Variants in CGN observed in about 807,000 individuals in gnomAD.
The protein encoded by CGN is cingulin.
A neutral mutation model predicts 157.1 loss-of-function variants in CGN; 121 were observed. That is an observed-to-expected ratio of 0.77 (90% CI 0.66 to 0.90). The LOEUF is 0.90. CGN is among the 40% of genes least tolerant of loss of function. The pLI is 0.00. For synonymous variants in CGN, 535 were observed against 607.5 expected (o/e 0.88, Z 1.76); for missense variants, 1,424 against 1,520.9 (o/e 0.94, Z 1.06).
intron 1 of CGN, among the ~76,000 whole-genome samples, chr1:151,517,660 G>A (rs1664444302): frequency 6.6e-6 from 1 of 151,766 alleles, no homozygotes; most frequent in Non-Finnish European, 1.5e-5. Context: ...ACAGGCATGC[G>A]CCACCACGCC....
intron 1 of CGN, among the ~76,000 whole-genome samples, chr1:151,512,283 TTCTC>T (rs1156909379): frequency 1.3e-5 from 2 of 152,074 alleles, no homozygotes; most frequent in Admixed American, 1.3e-4. Context: ...TAATACTTAT[TTCTC>T]AGGAGGCCCC....
intron 13 of CGN, 152 bp from the exon 14 acceptor site, chr1:151,532,250 A>T: frequency 2.1e-6 from 1 of 477,570 alleles, no homozygotes. Flanking sequence ...ATCTGTATAT[A>T]ACTATTAGCT....
intron 1 of CGN, 148 bp from the exon 2 acceptor site, chr1:151,518,358 T>TA (rs1664456173): frequency 1.6e-6 from 1 of 612,716 alleles, no homozygotes; most frequent in African/African-American, 1.9e-5. Flanking sequence ...CAGCAACCGG[T>TA]ATGTTAAAAG....
chr1:151,519,701 G>A (rs1664495720), intron 2 of CGN, among the ~76,000 whole-genome samples: 2 of 152,220 alleles, frequency 1.3e-5, no homozygotes, highest in African/African-American at 4.8e-5. Context: ...TGCAGAATAT[G>A]TAAGGCGGGC....
intron 13 of CGN, among the ~76,000 whole-genome samples, chr1:151,531,630 G>A (rs1664839420): frequency 6.6e-6 from 1 of 151,838 alleles, no homozygotes; most frequent in African/African-American, 2.4e-5. Flanking sequence ...GCTACAGCAA[G>A]AGCCTGTCAA....
rs763090402 is a variant in CGN, at chr1:151,536,863, C to A, written c.3440C>A (p.Ala1147Asp). ...EQHEVNEQLQ[A>D]RIKSLEKDSW... Reference sequence around the variant, plus strand: ...CATGAGGTCAATGAACAGCTCCAGGCCCGGATCAAGTCTCTGGAGAAGGAC... The same window carrying A: ...CATGAGGTCAATGAACAGCTCCAGGACCGGATCAAGTCTCTGGAGAAGGAC... The change falls in exon 20 of 21, where the codon GCC becomes GAC. Residue 1147 changes from alanine to aspartate, a missense_variant. Transcript: ENST00000271636. The A allele has an allele frequency of 8.7e-6, 14 of 1,614,104 alleles. No individual in the cohort carries two copies. The highest frequency in any genetic ancestry group is 1.1e-5 in the Non-Finnish European group (13 of 1,180,012).
chr1:151,520,301 C>A, intron 3 of CGN, 35 bp downstream of exon 3: 2 of 1,567,090 alleles, frequency 1.3e-6, no homozygotes, highest in Non-Finnish European at 1.8e-6. Context: ...AGAGGCATAC[C>A]CCTCCTTCTT....
At chr1:151,517,499 GCA>G (rs1193372326) in intron 1 of CGN, among the ~76,000 whole-genome samples, 3 of 151,466 alleles carry the variant, frequency 2.0e-5, no homozygotes, top group Non-Finnish European at 2.9e-5. Context: ...AGGGAAGAAG[GCA>G]CACAGTGTTT....
chr1:151,519,348 T>G lies in CGN; in HGVS notation c.829T>G (p.Phe277Val), dbSNP rs1664488616. Residue 277 changes from phenylalanine (F) to valine (V), a missense_variant, in exon 2 of 21, where the codon TTT becomes GTT. Physicochemically the swap from Phe to Val is conservative, Grantham distance 50. This residue lies in a region of CGN where 1,187 missense variants were observed against 1,217.6 expected (regional missense o/e 0.97). Transcript: ENST00000271636. ...GACTCAGGACTGGGTCCTTCAGAGT[T>G]TTGAGGAGCCGCGGAGGAGTGCACA... ...RQTQDWVLQS[F>V]EEPRRSAQDP... 6.2e-7 allele frequency: 1 copy of G among 1,607,022 alleles called. No individual in the cohort carries two copies. The highest frequency in any genetic ancestry group is 8.5e-7 in the Non-Finnish European group (1 of 1,179,906).
chr1:151,518,315 A>T (rs1664455467), intron 1 of CGN, among the ~76,000 whole-genome samples, 191 bp from the exon 2 acceptor site: 1 of 152,140 alleles, frequency 6.6e-6, no homozygotes, highest in Non-Finnish European at 1.5e-5. Flanking sequence ...CCTAACCCAG[A>T]CCTACTGAAT....
intron 1 of CGN, among the ~76,000 whole-genome samples, chr1:151,515,807 G>T (rs1664397048): frequency 6.6e-6 from 1 of 152,176 alleles, no homozygotes; most frequent in Admixed American, 6.5e-5. Context: ...CATACATCAG[G>T]TGAAGAGCAG....
At chr1:151,537,145 G>T in intron 20 of CGN, 60 bp from the exon 21 acceptor site, 1 of 1,547,284 alleles carries the variant, frequency 6.5e-7, no homozygotes, top group Non-Finnish European at 8.8e-7. Context: ...TACAAAAAGG[G>T]TGGCTGTCTT....
rs1415026938 is a variant in CGN, at chr1:151,538,605, C to T, written c.*1259C>T. 2.0e-5 allele frequency: 3 copies of T among 152,188 alleles called. No homozygotes were observed. The highest frequency in any genetic ancestry group is 4.4e-5 in the Non-Finnish European group (3 of 68,022). The allele number at this position is 152,188 out of a possible 1,614,324, so 9.4% of individuals were successfully genotyped here. A position where few individuals can be genotyped will look rare whatever the true frequency, so the allele number is the denominator to read the frequency against. On this transcript the variant is annotated 3_prime_UTR_variant, in exon 21 of 21. Coordinates refer to ENST00000271636, the MANE Select transcript of CGN (RefSeq NM_020770.3). ...TCGTGATTAAAAAAATTCCTATATT[C>T]TTCTGCAAATCAAACGTTCTTTCCC...
At chr1:151,529,642 C>T in intron 11 of CGN, 83 bp downstream of exon 11, 1 of 1,270,608 alleles carries the variant, frequency 7.9e-7, no homozygotes, top group Non-Finnish European at 1.1e-6. Flanking sequence ...TGGAAAGTTA[C>T]CTGTCATGGG....
rs773190405 is a variant in CGN at position 151,518,863 on chromosome 1, C to T, written c.344C>T (p.Ser115Leu). ...YSQVKGFPAP[S>L]QSSTSDEEPG... ...CAGGTCAAGGGATTTCCTGCCCCCT[C>T]GCAGAGCAGCACATCTGATGAGGAG... The change falls in exon 2 of 21, where the codon TCG (serine) becomes TTG (leucine). Residue 115 changes from serine (S) to leucine (L), a missense_variant. Transcript: ENST00000271636. 14 of 1,613,830 alleles carry T rather than the reference C, an allele frequency of 8.7e-6. No homozygotes were observed. The Middle Eastern group carries it at 6.6e-4, about 76-fold the overall frequency.
intron 19 of CGN, 29 bp downstream of exon 19, chr1:151,536,374 A>ATATATAT: frequency 8.1e-7 from 1 of 1,238,740 alleles, no homozygotes; most frequent in Non-Finnish European, 1.2e-6. Context: ...GGAGCCAAGC[A>ATATATAT]ACCTGGGGCA....
intron 15 of CGN, chr1:151,534,822 C>T (rs1434555991): frequency 9.7e-6 from 5 of 515,240 alleles, no homozygotes; most frequent in Non-Finnish European, 1.7e-5. Flanking sequence ...TGTCAAAGGG[C>T]CGTCACCAGA....
chr1:151,534,296 G>T, intron 15 of CGN, 160 bp downstream of exon 15: 1 of 727,948 alleles, frequency 1.4e-6, no homozygotes, highest in East Asian at 2.9e-5. Context: ...AATTTATAGA[G>T]GTCACCTAAA....
rs1664663192 is a variant in CGN, at chr1:151,525,784, A to G, written c.1757A>G (p.Lys586Arg). 1 of 1,597,728 alleles carries G rather than the reference A, an allele frequency of 6.3e-7. No individual in the cohort carries two copies. The highest frequency in any genetic ancestry group is 2.3e-5 in the East Asian group (1 of 42,936). The change falls in exon 9 of 21, where the codon AAG (lysine) becomes AGG (arginine). Residue 586 changes from lysine (K) to arginine (R), a missense_variant. This residue lies in a region of CGN where 1,187 missense variants were observed against 1,217.6 expected (regional missense o/e 0.97). Transcript: ENST00000271636. ...QKNKEDLRAT[K>R]QELLQLRMEK... ...AACAAGGAGGATCTTAGAGCCACCAAGCAGGAGTAAGGACATTGGCCCTCT... is the reference window on the plus strand; with the variant it reads ...AACAAGGAGGATCTTAGAGCCACCAGGCAGGAGTAAGGACATTGGCCCTCT...
Sources: allele counts gnomAD v4.1 joint callset (sites outside exome capture counted in the v4.1 genomes callset), GRCh38; gene constraint gnomAD v4.1.1; regional missense constraint gnomAD v4.1.1; transcripts MANE v1.5; gene names NCBI Gene and HGNC (gene_info 2026-07-23, HGNC 2026-07-21).